KAZN: variants seen among roughly 807,000 people sequenced by gnomAD.
The protein encoded by KAZN is kazrin.
In KAZN, 40 loss-of-function variants were observed where a neutral mutation model predicts 87.4. That is an observed-to-expected ratio of 0.46 (90% CI 0.36 to 0.60). The LOEUF (loss-of-function observed/expected upper bound fraction) is 0.60, where lower values mean the gene tolerates loss of function less well. KAZN is among the 20% of genes least tolerant of loss of function. The pLI is 0.00. For synonymous variants in KAZN, 466 were observed against 458.3 expected, an observed-to-expected ratio of 1.02 and a Z score of -0.22; for missense variants, 898 against 1,073.9, an observed-to-expected ratio of 0.84 and a Z score of 2.29.
chr1:14,842,979 C>T (rs1648198879), intron 1 of KAZN, among the ~76,000 whole-genome samples: 1 of 152,104 alleles, frequency 6.6e-6, no homozygotes, highest in Non-Finnish European at 1.5e-5. Flanking sequence ...ACCCAAGAAA[C>T]ATCTCTTATA....
Position 15,036,653 on chromosome 1 carries a change from G to A in KAZN, c.555+1768G>A, listed in dbSNP as rs143643749. 2.4e-4 allele frequency among the ~76,000 whole-genome samples: 36 copies of A among 152,182 alleles called. No individual in the cohort carries two copies. The East Asian group carries it at 6.8e-3, about 29-fold the overall frequency. On this transcript the variant is annotated intron_variant, in intron 3 of 14. Coordinates refer to ENST00000376030, the MANE Select transcript of KAZN (RefSeq NM_201628.3). ...AGGGTGAGGCTGTCTCAGCAGCATT[G>A]CCTTTGGCCACCAGCAAGGAGTCAG...
intron 4 of KAZN, among the ~76,000 whole-genome samples, chr1:15,044,730 C>CA (rs35013376): frequency 0.3 from 33,288 of 110,462 alleles, 3,730 homozygotes; most frequent in Admixed American, 0.35. Flanking sequence ...CTGTCTCAAA[C>CA]AAAAAAAAAA....
rs1658735563 is a variant in KAZN, at chr1:14,923,161, G to A, written c.227-37523G>A. The stretch of plus-strand genomic sequence containing the variant: ...GGTTGCTAGCATGCTGCCTACAAGG[G>A]GAGGCTGGGGGCTCCATGAGTGTGT... On this transcript the variant is annotated intron_variant, in intron 1 of 14. Coordinates refer to ENST00000376030, the MANE Select transcript of KAZN (RefSeq NM_201628.3). The surrounding 1 kb of genome is among the most constrained non-coding windows in gnomAD (Gnocchi z 4.2). 6.6e-6 allele frequency among the ~76,000 whole-genome samples: 1 copy of A among 152,234 alleles called. No homozygotes were observed. Among genetic ancestry groups the A allele is most frequent in the African/African-American group, 2.4e-5 (1 of 41,452 alleles).
chr1:14,123,985 A>T (rs892737306), intron 1 of KAZN, among the ~76,000 whole-genome samples: 1 of 152,118 alleles, frequency 6.6e-6, no homozygotes, highest in Non-Finnish European at 1.5e-5. Flanking sequence ...GCTCCTTCCC[A>T]ATAGGAGCCC....
intron 2 of KAZN, among the ~76,000 whole-genome samples, chr1:14,282,097 C>T (rs1019896334): frequency 7.2e-5 from 11 of 152,130 alleles, no homozygotes; most frequent in African/African-American, 2.4e-4. Context: ...ATTTTTGTTA[C>T]CTGAAAAATA....
chr1:14,306,363 A>G (rs762816522), intron 2 of KAZN, among the ~76,000 whole-genome samples: 35 of 152,130 alleles, frequency 2.3e-4, no homozygotes, highest in Non-Finnish European at 1.6e-4. Flanking sequence ...GCAATTGGCC[A>G]TTGCTTTGTG....
intron 1 of KAZN, among the ~76,000 whole-genome samples, chr1:13,999,253 C>T (rs942155911): frequency 5.9e-5 from 9 of 152,092 alleles, no homozygotes; most frequent in African/African-American, 1.2e-4. Context: ...GAGGCTGAGA[C>T]AGTAGAATCG....
intron 2 of KAZN, among the ~76,000 whole-genome samples, chr1:14,527,022 T>C (rs925265424): frequency 6.6e-6 from 1 of 152,214 alleles, no homozygotes; most frequent in Non-Finnish European, 1.5e-5. Flanking sequence ...ACTAAAATGC[T>C]TGTGGACCAG....
At chr1:13,979,238 A>G (rs1557759407) in intron 1 of KAZN, among the ~76,000 whole-genome samples, 2 of 152,206 alleles carry the variant, frequency 1.3e-5, no homozygotes, top group Non-Finnish European at 2.9e-5. Flanking sequence ...AAACTTAAAA[A>G]GCAAAACAAA....
At chr1:14,776,613 G>A (rs148823807) in intron 1 of KAZN, among the ~76,000 whole-genome samples, 12 of 152,166 alleles carry the variant, frequency 7.9e-5, no homozygotes, top group African/African-American at 2.2e-4. Flanking sequence ...AGGACATCAC[G>A]GATATCTCAT....
Position 14,856,441 on chromosome 1 carries a change from A to G in KAZN, c.227-104243A>G, listed in dbSNP as rs1041763585. ...CATAGGTGGCATAGCTAAAGACATTACAAAGGGCTGGGAATTAATATATAC... is the reference window on the plus strand; with the variant it reads ...CATAGGTGGCATAGCTAAAGACATTGCAAAGGGCTGGGAATTAATATATAC... On this transcript the variant is annotated intron_variant, in intron 1 of 14. Transcript: ENST00000376030. This position sits in a 1 kb window ranked among gnomAD's most constrained non-coding sequence, Gnocchi z 5.2. 1.3e-5 allele frequency among the ~76,000 whole-genome samples: 2 copies of G among 152,252 alleles called. No homozygotes were observed. The highest frequency in any genetic ancestry group is 4.8e-5 in the African/African-American group (2 of 41,472).
chr1:13,983,343 C>G (rs1274417696), intron 1 of KAZN, among the ~76,000 whole-genome samples: 2 of 152,254 alleles, frequency 1.3e-5, no homozygotes, highest in South Asian at 2.1e-4. Flanking sequence ...AGAAATCCAG[C>G]GCAGTGCCGG....
intron 1 of KAZN, among the ~76,000 whole-genome samples, chr1:14,044,184 A>C (rs1641960654): frequency 1.3e-5 from 2 of 152,034 alleles, no homozygotes; most frequent in Admixed American, 1.3e-4. Flanking sequence ...ATCACCCACC[A>C]ATACTGTGTT....
intron 2 of KAZN, among the ~76,000 whole-genome samples, chr1:14,435,729 G>C (rs1666343550): frequency 1.3e-5 from 2 of 152,182 alleles, no homozygotes; most frequent in Admixed American, 1.3e-4. Context: ...CCTCATCTTA[G>C]AATGGGGATG....
intron 1 of KAZN, among the ~76,000 whole-genome samples, chr1:14,731,209 A>T (rs1345843909): frequency 6.6e-6 from 1 of 152,240 alleles, no homozygotes; most frequent in Non-Finnish European, 1.5e-5. Context: ...CGAGTAATTA[A>T]AGAGGCTGCT....
intron 1 of KAZN, among the ~76,000 whole-genome samples, chr1:14,000,783 T>A (rs1054193982): frequency 6.8e-5 from 8 of 117,542 alleles, no homozygotes; most frequent in African/African-American, 2.2e-4. Context: ...GATGACATGA[T>A]TTTTTTTGTT....
At chr1:14,208,794 G>C (rs1227297147) in intron 2 of KAZN, among the ~76,000 whole-genome samples, 1 of 152,152 alleles carries the variant, frequency 6.6e-6, no homozygotes, top group Non-Finnish European at 1.5e-5. Flanking sequence ...TAGAAGTGGA[G>C]GTGGGTTTAT....
intron 2 of KAZN, among the ~76,000 whole-genome samples, chr1:14,446,687 T>G (rs1261029415): frequency 6.6e-6 from 1 of 152,120 alleles, no homozygotes; most frequent in Non-Finnish European, 1.5e-5. Context: ...GTGAGAGGGC[T>G]CCAGTTCTTC....
chr1:14,628,829 C>A (rs985170130), intron 1 of KAZN, among the ~76,000 whole-genome samples: 18 of 149,894 alleles, frequency 1.2e-4, no homozygotes, highest in African/African-American at 3.9e-4. Context: ...AGCACTGTCA[C>A]ATCTTTCACA....
Sources: gnomAD v4.1 joint callset for allele counts (sites outside exome capture counted in the v4.1 genomes callset) on GRCh38, gnomAD v4.1.1 for gene constraint, Gnocchi (gnomAD v3.1) non-coding constraint, MANE v1.5 for transcripts, NCBI Gene and HGNC (gene_info 2026-07-23, HGNC 2026-07-21) for gene names.